SLC17A4: variants seen among roughly 807,000 people sequenced by gnomAD.
SLC17A4 encodes solute carrier family 17 member 4.
Under a neutral mutation model 52.5 loss-of-function variants are expected in SLC17A4, and 33 were observed. The ratio of observed to expected loss-of-function variants is 0.63; its 90% CI spans 0.48 to 0.84. The LOEUF is 0.84. SLC17A4 is among the 40% of genes least tolerant of loss of function. The pLI is 0.00. For synonymous variants in SLC17A4, 225 were observed against 216.2 expected (o/e 1.04, Z -0.36); for missense variants, 585 against 597.1 (o/e 0.98, Z 0.21).
chr6:25,771,699 C>T (rs1285262255), intron 6 of SLC17A4, among the ~76,000 whole-genome samples: 1 of 152,034 alleles, frequency 6.6e-6, no homozygotes, highest in Non-Finnish European at 1.5e-5. Context: ...GCTTTTGCAC[C>T]AATCTAATAT....
chr6:25,777,086 A>G, intron 10 of SLC17A4, 127 bp downstream of exon 10: 1 of 979,912 alleles, frequency 1.0e-6, no homozygotes, highest in Non-Finnish European at 1.5e-6. Context: ...CACCAGCTCT[A>G]CATCCTACAT....
Position 25,773,090 on chromosome 6 carries a change from T to C in SLC17A4, c.707-185T>C, listed in dbSNP as rs78269605. Among the ~76,000 whole-genome samples, 701 of 152,334 alleles carry C rather than the reference T, an allele frequency of 4.6e-3. 3 individuals are homozygous for C. Among genetic ancestry groups the C allele is most frequent in the Non-Finnish European group, 7.3e-3 (497 of 68,024 alleles). ...ATGCCATTGGCAAAAGCAAGTTGTATGGCCAAGGCCAAAGTCAAGTGGTGA... is the reference window on the plus strand; with the variant it reads ...ATGCCATTGGCAAAAGCAAGTTGTACGGCCAAGGCCAAAGTCAAGTGGTGA... On this transcript the variant is annotated intron_variant, in intron 6 of 11. Coordinates refer to ENST00000377905, the MANE Select transcript of SLC17A4 (RefSeq NM_005495.3).
Position 25,777,224 on chromosome 6 carries a change from T to A in SLC17A4, c.1268+265T>A, listed in dbSNP as rs6910446. Reference sequence around the variant, plus strand: ...AGGGAGACTCACACAAACCTCTCTCTGTTGAGGAATGCAGCACTTGCCTAA... The same window carrying A: ...AGGGAGACTCACACAAACCTCTCTCAGTTGAGGAATGCAGCACTTGCCTAA... On this transcript the variant is annotated intron_variant, in intron 10 of 11. Transcript: ENST00000377905. 8.8e-3 allele frequency: 3,653 copies of A among 414,666 alleles called. 125 individuals are homozygous for A. The highest frequency in any genetic ancestry group is 0.062 in the African/African-American group (3,080 of 50,014). The allele number at this position is 414,666 out of a possible 1,614,324, so 25.7% of individuals were successfully genotyped here. A position where few individuals can be genotyped will look rare whatever the true frequency, so the allele number is the denominator to read the frequency against.
At chr6:25,765,190 T>A (rs542311093) in intron 2 of SLC17A4, among the ~76,000 whole-genome samples, 2 of 152,326 alleles carry the variant, frequency 1.3e-5, no homozygotes, top group East Asian at 3.9e-4. Context: ...ATAAGGCATG[T>A]GTTAGATAAA....
At chr6:25,759,599 GTAAGAATAGC>G (rs1761354591) in intron 1 of SLC17A4, among the ~76,000 whole-genome samples, 1 of 152,096 alleles carries the variant, frequency 6.6e-6, no homozygotes, top group African/African-American at 2.4e-5. Flanking sequence ...TTTGTCTGAT[GTAAGAATAGC>G]TACTCCTCAC....
At chr6:25,768,374 T>C in intron 2 of SLC17A4, 1 of 986,120 alleles carries the variant, frequency 1.0e-6, no homozygotes, top group Non-Finnish European at 1.2e-6. Flanking sequence ...GTCAAACTAA[T>C]GTATATGGAC....
rs966715806 is a variant in SLC17A4, at chr6:25,773,371, T to G, written c.803T>G (p.Ile268Ser). Residue 268 changes from isoleucine (I) to serine (S), a missense_variant, in exon 7 of 12, where the codon ATT (isoleucine) becomes AGT (serine). By Grantham distance (142) the Ile-to-Ser change is moderately radical (BLOSUM62 -2). Coordinates refer to ENST00000377905, the MANE Select transcript of SLC17A4 (RefSeq NM_005495.3). ...PFISAGEKRY[I>S]VCSLAQQDCS... is the part of the protein sequence containing the mutation. ...ATCAGTGCTGGTGAGAAGAGATACA[T>G]TGTGTGTTCATTGGCTCAGCAGGTA... is the stretch of plus-strand genomic sequence containing the variant. 6.2e-7 allele frequency: 1 copy of G among 1,613,836 alleles called. No homozygotes were observed. The highest frequency in any genetic ancestry group is 8.5e-7 in the Non-Finnish European group (1 of 1,179,826).
At chr6:25,765,879 C>T (rs1761967287) in intron 2 of SLC17A4, among the ~76,000 whole-genome samples, 2 of 151,850 alleles carry the variant, frequency 1.3e-5, no homozygotes, top group African/African-American at 4.8e-5. Context: ...AAAATACATA[C>T]AAGAGCTGGT....
intron 2 of SLC17A4, among the ~76,000 whole-genome samples, chr6:25,763,628 A>T (rs1761745122): frequency 6.6e-6 from 1 of 152,110 alleles, no homozygotes; most frequent in Admixed American, 6.5e-5. Context: ...AGCTGAATCC[A>T]GGGGTTCCAT....
chr6:25,759,720 T>C (rs1226791856), intron 1 of SLC17A4, among the ~76,000 whole-genome samples: 3 of 152,218 alleles, frequency 2.0e-5, no homozygotes, highest in Non-Finnish European at 4.4e-5. Flanking sequence ...TCCATTTGCA[T>C]GGAATATCTA....
At chr6:25,769,343 T>C (rs1215849548) in intron 3 of SLC17A4, among the ~76,000 whole-genome samples, 153 bp downstream of exon 3, 1 of 152,108 alleles carries the variant, frequency 6.6e-6, no homozygotes, top group African/African-American at 2.4e-5. Context: ...AGGCCGAGCA[T>C]GGTGGCTCAC....
chr6:25,761,794 C>A (rs894287575), intron 1 of SLC17A4, 133 bp from the exon 2 acceptor site: 5 of 564,048 alleles, frequency 8.9e-6, no homozygotes, highest in African/African-American at 1.9e-5. Context: ...GCCAGGATGA[C>A]AAGTTAGTTT....
intron 7 of SLC17A4, 60 bp downstream of exon 7, chr6:25,773,453 G>A: frequency 6.2e-7 from 1 of 1,612,606 alleles, no homozygotes; most frequent in South Asian, 1.1e-5. Flanking sequence ...GAGAGATGAA[G>A]AATGTGATAG....
Position 25,770,155 on chromosome 6 carries a change from GC to G in SLC17A4, c.387del (p.Tyr130MetfsTer22), listed in dbSNP as rs1762359317. The G allele has an allele frequency of 2.5e-6, 4 of 1,613,944 alleles. No homozygotes were observed. In the South Asian group the frequency reaches 4.4e-5, roughly 18 times the overall value. On this transcript the variant is annotated frameshift_variant, in exon 4 of 12. Transcript: ENST00000377905. LOFTEE classifies it high-confidence loss of function. The stretch of plus-strand genomic sequence containing the variant: ...TCATTCTTGGCTCCAATCCCCAGTG[GC>G]TATGTGGCTGGAATATTTGGAGCCA... ...YGSFLAPIPS[G>X]YVAGIFGAKY... is the part of the protein sequence containing the mutation.
intron 8 of SLC17A4, among the ~76,000 whole-genome samples, chr6:25,775,283 GAT>G (rs1762810203): frequency 6.6e-6 from 1 of 150,690 alleles, no homozygotes; most frequent in Non-Finnish European, 1.5e-5. Context: ...AGTGAGCCGA[GAT>G]TATGACATTG....
At chr6:25,769,577 AAAGAAAGAAAAGAAAGG>A (rs1418369856) in intron 3 of SLC17A4, among the ~76,000 whole-genome samples, 1 of 151,882 alleles carries the variant, frequency 6.6e-6, no homozygotes, top group African/African-American at 2.4e-5. Context: ...AAAAAGAAAG[AAAGAAAGAAAAGAAAGG>A]AATAAAGAAC....
intron 6 of SLC17A4, among the ~76,000 whole-genome samples, chr6:25,771,392 G>T (rs146893375): frequency 6.6e-6 from 1 of 151,928 alleles, no homozygotes; most frequent in Non-Finnish European, 1.5e-5. Flanking sequence ...TGGCCAACAT[G>T]GTTAAACCCC....
In SLC17A4 at chr6:25,769,012, C is replaced by A; in HGVS notation, c.119C>A (p.Ala40Asp). The change falls in exon 3 of 12, where the codon GCC (alanine) becomes GAC (aspartate). Residue 40 changes from alanine to aspartate, a missense_variant. Coordinates refer to ENST00000377905, the MANE Select transcript of SLC17A4 (RefSeq NM_005495.3). ...KGFCSVRHGL[A>D]LILQLCNFSI... Reference sequence around the variant, plus strand: ...TTTTGTTCAGTCCGACATGGGCTGGCCCTCATCTTGCAGCTCTGTAATTTT... The same window carrying A: ...TTTTGTTCAGTCCGACATGGGCTGGACCTCATCTTGCAGCTCTGTAATTTT... 2 of 1,614,060 alleles carry A rather than the reference C, an allele frequency of 1.2e-6. No individual in the cohort carries two copies. Among genetic ancestry groups the A allele is most frequent in the South Asian group, 2.2e-5 (2 of 91,070 alleles).
rs191658798 is a variant in SLC17A4 at position 25,769,825 on chromosome 6, G to T, written c.298-242G>T. ...TGCTTATGATGCTTTCTTCTTTATA[G>T]TCTTTGTTTCTTTACGAACTCTCTT... On this transcript the variant is annotated intron_variant, in intron 3 of 11. Transcript: ENST00000377905. Among the ~76,000 whole-genome samples, 3 of 151,104 alleles carry T rather than the reference G, an allele frequency of 2.0e-5. No individual in the cohort carries two copies. In the East Asian group the frequency reaches 5.8e-4, roughly 29 times the overall value.
Sources: allele counts gnomAD v4.1 joint callset (sites outside exome capture counted in the v4.1 genomes callset), GRCh38; gene constraint gnomAD v4.1.1; transcripts MANE v1.5; gene names NCBI Gene and HGNC (gene_info 2026-07-23, HGNC 2026-07-21).